The following IGFBP7 variants were observed in gnomAD, a reference collection of about 807,000 sequenced individuals.
The protein encoded by IGFBP7 is insulin like growth factor binding protein 7.
In IGFBP7, 31 loss-of-function variants were observed where a neutral mutation model predicts 29.4. That is an observed-to-expected ratio of 1.05 (90% CI 0.79 to 1.42). The LOEUF is 1.42. Ranked by LOEUF, IGFBP7 falls within the 40% of genes most tolerant of loss-of-function variation. IGFBP7 has a pLI of 0.00. For synonymous variants in IGFBP7, 172 were observed against 174.9 expected (o/e 0.98, Z 0.13); for missense variants, 393 against 395.5 (o/e 0.99, Z 0.05).
chr4:57,081,752 A>G (rs959960849), intron 1 of IGFBP7, among the ~76,000 whole-genome samples: 1 of 152,166 alleles, frequency 6.6e-6, no homozygotes, highest in Non-Finnish European at 1.5e-5. Flanking sequence ...CCTTGATTTT[A>G]AAACAAAGCC....
At position 57,110,256 on chromosome 4, in the gene IGFBP7, G is replaced by A. The variant is rs1726161679; in HGVS notation, c.96C>T (p.Cys32=). The A allele has an allele frequency of 7.1e-7, 1 of 1,416,042 alleles. No individual in the cohort carries two copies. The highest frequency in any genetic ancestry group is 2.5e-4 in the Middle Eastern group (1 of 3,962). The allele number at this position is 1,416,042 out of a possible 1,614,324, so 87.7% of individuals were successfully genotyped here. A position where few individuals can be genotyped will look rare whatever the true frequency, so the allele number is the denominator to read the frequency against. Residue 32 remains cysteine, a synonymous_variant, in exon 1 of 5, where the codon TGC becomes TGT. Coordinates refer to ENST00000295666, the MANE Select transcript of IGFBP7 (RefSeq NM_001553.3). The part of the protein sequence containing the change: ...PLSSSSSSDT[C]GPCEPASCPP... ...GGCAGGAGGCCGGCTCGCAGGGGCC[G>A]CAGGTGTCCGAAGAGGAGGAAGAGG...
intron 1 of IGFBP7, among the ~76,000 whole-genome samples, chr4:57,078,288 C>A (rs1048714954): frequency 6.6e-6 from 1 of 152,106 alleles, no homozygotes. Flanking sequence ...ACAGAAAGGT[C>A]GAGTAACTTG....
At chr4:57,091,147 A>G (rs1725626988) in intron 1 of IGFBP7, among the ~76,000 whole-genome samples, 1 of 152,186 alleles carries the variant, frequency 6.6e-6, no homozygotes, top group Non-Finnish European at 1.5e-5. Context: ...GTGTTTCTTC[A>G]AAAACACACA....
At chr4:57,078,672 C>T (rs571189284) in intron 1 of IGFBP7, among the ~76,000 whole-genome samples, 2 of 140,318 alleles carry the variant, frequency 1.4e-5, no homozygotes, top group African/African-American at 5.0e-5. Flanking sequence ...TTCCCATTCA[C>T]TTGTGAGTTT....
At chr4:57,084,942 C>T (rs539838199) in intron 1 of IGFBP7, among the ~76,000 whole-genome samples, 9 of 151,862 alleles carry the variant, frequency 5.9e-5, no homozygotes, top group African/African-American at 1.7e-4. Context: ...AGGTGTGTGA[C>T]ATCATGCCTG....
At chr4:57,100,237 T>C (rs2109803395) in intron 1 of IGFBP7, among the ~76,000 whole-genome samples, 1 of 152,014 alleles carries the variant, frequency 6.6e-6, no homozygotes, top group Non-Finnish European at 1.5e-5. Context: ...GCCTGGCCAA[T>C]TAACAATTTC....
intron 1 of IGFBP7, among the ~76,000 whole-genome samples, chr4:57,096,811 G>A (rs954847883): frequency 1.3e-5 from 2 of 152,122 alleles, no homozygotes; most frequent in African/African-American, 2.4e-5. Context: ...TTTCTGAGTC[G>A]AAATACATCT....
At chr4:57,100,493 A>T (rs1409075629) in intron 1 of IGFBP7, among the ~76,000 whole-genome samples, 1 of 152,220 alleles carries the variant, frequency 6.6e-6, no homozygotes, top group Non-Finnish European at 1.5e-5. Flanking sequence ...CATTTTTTAG[A>T]AGGCACAGCA....
At chr4:57,057,070 A>T (rs980314985) in intron 1 of IGFBP7, among the ~76,000 whole-genome samples, 3 of 152,148 alleles carry the variant, frequency 2.0e-5, no homozygotes, top group Middle Eastern at 3.2e-3. Flanking sequence ...TAGTAGCACG[A>T]TCATGGCTCA....
At chr4:57,105,498 A>G (rs1726001255) in intron 1 of IGFBP7, among the ~76,000 whole-genome samples, 2 of 152,254 alleles carry the variant, frequency 1.3e-5, no homozygotes, top group Admixed American at 6.5e-5. Flanking sequence ...TTGATGTTGA[A>G]TAATGACAAC....
intron 1 of IGFBP7, among the ~76,000 whole-genome samples, chr4:57,057,783 C>T (rs894754229): frequency 3.3e-5 from 5 of 152,124 alleles, no homozygotes; most frequent in Non-Finnish European, 7.3e-5. Context: ...TAAGACAATG[C>T]TTTTTCACAA....
intron 1 of IGFBP7, among the ~76,000 whole-genome samples, chr4:57,069,311 TG>T (rs768676083): frequency 1.5e-4 from 23 of 152,050 alleles, no homozygotes; most frequent in Non-Finnish European, 2.6e-4. Context: ...CAAATAGGCC[TG>T]GGGTGATGGC....
intron 1 of IGFBP7, among the ~76,000 whole-genome samples, chr4:57,075,271 T>C (rs1034441420): frequency 3.3e-5 from 5 of 152,206 alleles, no homozygotes; most frequent in African/African-American, 1.2e-4. Context: ...AGGAGACATA[T>C]TTTCTAAGAT....
intron 1 of IGFBP7, among the ~76,000 whole-genome samples, chr4:57,088,337 C>A (rs1315043203): frequency 2.0e-5 from 3 of 152,090 alleles, no homozygotes; most frequent in Non-Finnish European, 4.4e-5. Flanking sequence ...TAAACTGCCA[C>A]AAATATAATG....
At chr4:57,098,829 T>C (rs925928109) in intron 1 of IGFBP7, among the ~76,000 whole-genome samples, 5 of 152,222 alleles carry the variant, frequency 3.3e-5, no homozygotes, top group African/African-American at 1.2e-4. Context: ...AATTGCTGCA[T>C]CTGCTATTGA....
chr4:57,102,240 G>C (rs1725915735), intron 1 of IGFBP7, among the ~76,000 whole-genome samples: 1 of 152,144 alleles, frequency 6.6e-6, no homozygotes, highest in African/African-American at 2.4e-5. Context: ...AGCCTTATAA[G>C]GCGGTTTCTT....
intron 1 of IGFBP7, among the ~76,000 whole-genome samples, chr4:57,083,653 G>A (rs984520189): frequency 3.9e-5 from 6 of 152,204 alleles, no homozygotes; most frequent in Non-Finnish European, 5.9e-5. Context: ...TGGCTGTTTA[G>A]TACATTGCTG....
chr4:57,074,015 C>T lies in IGFBP7; in HGVS notation c.476-33082G>A, dbSNP rs963817959. On this transcript the variant is annotated intron_variant, in intron 1 of 4. Transcript: ENST00000295666. ...AAGCGAGCTTCCAAACTCTGCCCAT[C>T]GTACTTTCCTCTTTGGAAAATGCAT... Among the ~76,000 whole-genome samples, 5 of 152,102 alleles carry T rather than the reference C, an allele frequency of 3.3e-5. 1 individual carries two copies. The highest frequency in any genetic ancestry group is 3.4e-3 in the Middle Eastern group (1 of 294).
At chr4:57,108,507 T>C (rs373021823) in intron 1 of IGFBP7, among the ~76,000 whole-genome samples, 5 of 151,498 alleles carry the variant, frequency 3.3e-5, no homozygotes, top group African/African-American at 1.2e-4. Context: ...TGTGTGTATG[T>C]GCGTGTATTT....
Sources: gnomAD v4.1 joint callset for allele counts (sites outside exome capture counted in the v4.1 genomes callset) on GRCh38, gnomAD v4.1.1 for gene constraint, MANE v1.5 for transcripts, NCBI Gene and HGNC (gene_info 2026-07-23, HGNC 2026-07-21) for gene names.